Variants in BCL11A observed in about 807,000 individuals in gnomAD.
BCL11A encodes the protein BCL11 transcription factor A.
BCL11A carries 2 observed loss-of-function variants against 55.9 expected under a neutral mutation model. The ratio of observed to expected loss-of-function variants is 0.04; its 90% CI spans 0.01 to 0.11. The LOEUF is 0.11. Among genes scored for constraint, BCL11A ranks in the 10% least tolerant of loss-of-function variants. The pLI, the probability that BCL11A is intolerant of heterozygous loss-of-function variation, is 1.00. For missense variants in BCL11A, 817 were observed against 1,137.1 expected, an observed-to-expected ratio of 0.72 and a Z score of 4.05; for synonymous variants, 465 against 473.4, an observed-to-expected ratio of 0.98 and a Z score of 0.23.
At chr2:60,511,503 T>C (rs949486357) in intron 2 of BCL11A, among the ~76,000 whole-genome samples, 16 of 152,246 alleles carry the variant, frequency 1.1e-4, no homozygotes, top group African/African-American at 3.9e-4. Context: ...TGTTTCATAA[T>C]GCTAATATTT....
chr2:60,493,634 G>A (rs74644352), intron 2 of BCL11A, among the ~76,000 whole-genome samples: 2,560 of 152,236 alleles, frequency 0.017, 71 homozygotes, highest in African/African-American at 0.059. Context: ...GTGGTGTTCG[G>A]AGTCCTAAGA....
rs982236023 is a variant in BCL11A, at chr2:60,523,399, T to G, written c.385+22572A>C. On this transcript the variant is annotated intron_variant, in intron 2 of 3. Coordinates refer to ENST00000642384, the MANE Select transcript of BCL11A (RefSeq NM_022893.4). The stretch of plus-strand genomic sequence containing the variant: ...GGAGATAATTTGCTTAAGTCAGATT[T>G]TGATGAAAAGTGGTTTCTACATGGA... 3.9e-5 allele frequency among the ~76,000 whole-genome samples: 6 copies of G among 152,338 alleles called. 1 individual carries two copies. The highest frequency in any genetic ancestry group is 1.3e-4 in the Admixed American group (2 of 15,304).
intron 2 of BCL11A, among the ~76,000 whole-genome samples, chr2:60,499,061 C>T (rs1679120852): frequency 6.6e-6 from 1 of 152,206 alleles, no homozygotes; most frequent in Non-Finnish European, 1.5e-5. Context: ...AATGCTACAG[C>T]TACAGTCCAT....
At chr2:60,515,246 C>A (rs986104255) in intron 2 of BCL11A, among the ~76,000 whole-genome samples, 2 of 152,206 alleles carry the variant, frequency 1.3e-5, no homozygotes, top group Non-Finnish European at 2.9e-5. Flanking sequence ...TTTTCACTTT[C>A]TCCCCAGGGA....
intron 2 of BCL11A, among the ~76,000 whole-genome samples, chr2:60,505,154 A>C (rs541473307): frequency 6.6e-5 from 10 of 152,288 alleles, no homozygotes; most frequent in Admixed American, 4.6e-4. Flanking sequence ...TCAAAAAAAA[A>C]ATGTGATTTT....
chr2:60,552,048 C>T (rs892095108), intron 1 of BCL11A, among the ~76,000 whole-genome samples: 2 of 151,752 alleles, frequency 1.3e-5, no homozygotes, highest in Non-Finnish European at 2.9e-5. Context: ...CTCTCCGTGC[C>T]GTCGGCGCCC....
chr2:60,537,973 T>C (rs866642284), intron 2 of BCL11A: 1 of 152,226 alleles, frequency 6.6e-6, no homozygotes, highest in Non-Finnish European at 1.5e-5. Flanking sequence ...CTAACAACAG[T>C]GAGAATACAA....
At chr2:60,549,612 G>C (rs900799201) in intron 1 of BCL11A, among the ~76,000 whole-genome samples, 2 of 152,214 alleles carry the variant, frequency 1.3e-5, no homozygotes, top group Non-Finnish European at 2.9e-5. Context: ...CAGCGGCCGC[G>C]GGGCCTTGGG....
chr2:60,538,731 CTCTCTCTCTGTGTG>C (rs1453760230), intron 2 of BCL11A, among the ~76,000 whole-genome samples: 1 of 62,382 alleles, frequency 1.6e-5, no homozygotes, highest in Admixed American at 2.1e-4. Context: ...CTCTCTCTCT[CTCTCTCTCTGTGTG>C]TGTGTGTGTG....
At chr2:60,553,142 C>A in intron 1 of BCL11A, 74 bp downstream of exon 1, 3 of 1,476,410 alleles carry the variant, frequency 2.0e-6, no homozygotes, top group Non-Finnish European at 2.7e-6. Flanking sequence ...CCTCTCTCCC[C>A]CTCGCTTTTG....
Position 60,460,239 on chromosome 2 carries a change from C to G in BCL11A, c.*165G>C. 6.8e-6 allele frequency: 9 copies of G among 1,316,554 alleles called. No individual in the cohort carries two copies. The highest frequency in any genetic ancestry group is 3.6e-5 in the Admixed American group (1 of 28,158). 81.6% of individuals were successfully genotyped at this position (1,316,554 alleles called of 1,614,324 possible). On this transcript the variant is annotated 3_prime_UTR_variant, in exon 4 of 4. Coordinates refer to ENST00000642384, the MANE Select transcript of BCL11A (RefSeq NM_022893.4). ...AAAACAGGTGTGCTGGTGACAAGCA[C>G]TCTCATATTCTTAGCTTCGTTACTT...
Position 60,546,251 on chromosome 2 carries a change from C to A in BCL11A, c.105G>T (p.Pro35=), listed in dbSNP as rs774400493. 1 of 1,614,188 alleles carries A rather than the reference C, an allele frequency of 6.2e-7. No individual in the cohort carries two copies. Among genetic ancestry groups the A allele is most frequent in the Non-Finnish European group, 8.5e-7 (1 of 1,180,032 alleles). ...CATGATCCCCTTCTGGAGCTCCCAA[C>A]GGGCCGTGGTCTGGTTCATCATCTG... ...ILTDDEPDHG[P]LGAPEGDHDL... The change falls in exon 2 of 4, where the codon CCG becomes CCT. Residue 35 remains proline (P), a synonymous_variant. Coordinates refer to ENST00000642384, the MANE Select transcript of BCL11A (RefSeq NM_022893.4). The surrounding 1 kb of genome is among the most constrained non-coding windows in gnomAD (Gnocchi z 4.1).
chr2:60,471,322 G>A lies in BCL11A; in HGVS notation c.386-2489C>T, dbSNP rs540422456. On this transcript the variant is annotated intron_variant, in intron 2 of 3. Transcript: ENST00000642384. ...TAGAAAAAAAGCACACTGTCTTTGT[G>A]AGACTCACCCTTGCATTTATCTTCC... 2.6e-5 allele frequency among the ~76,000 whole-genome samples: 4 copies of A among 152,198 alleles called. 1 individual carries two copies. Among genetic ancestry groups the A allele is most frequent in the Non-Finnish European group, 5.9e-5 (4 of 68,040 alleles).
chr2:60,450,855 AGGCC>A (rs1366059891), downstream of BCL11A: 3 of 152,552 alleles, frequency 2.0e-5, no homozygotes, highest in African/African-American at 7.2e-5. Context: ...CCTTTACCAA[AGGCC>A]ATCCTGGGTC....
chr2:60,507,266 G>A (rs1299853114), intron 2 of BCL11A, among the ~76,000 whole-genome samples: 2 of 834 alleles, frequency 2.4e-3, no homozygotes, highest in African/African-American at 7.1e-3. Context: ...GGGGAGGGGA[G>A]GGGAGGGGAG....
intron 2 of BCL11A, among the ~76,000 whole-genome samples, chr2:60,489,363 C>T (rs544363699): frequency 1.2e-4 from 19 of 152,328 alleles, no homozygotes; most frequent in African/African-American, 4.6e-4. Context: ...TGCTACTCTG[C>T]TTCCTAACTA....
At chr2:60,455,668 AACCTAAT>A (rs1675906898), downstream of BCL11A, among the ~76,000 whole-genome samples, 1 of 152,200 alleles carries the variant, frequency 6.6e-6, no homozygotes, top group African/African-American at 2.4e-5. Flanking sequence ...CAGGATGCAA[AACCTAAT>A]TACGCTAAGA....
intron 1 of BCL11A, among the ~76,000 whole-genome samples, chr2:60,549,482 C>A (rs959639465): frequency 6.6e-6 from 1 of 152,224 alleles, no homozygotes; most frequent in African/African-American, 2.4e-5. Flanking sequence ...AGGCCCGGGG[C>A]AGGGGCCCCG....
intron 2 of BCL11A, among the ~76,000 whole-genome samples, chr2:60,502,867 G>A (rs1050668914): frequency 2.6e-5 from 4 of 152,166 alleles, no homozygotes; most frequent in African/African-American, 7.2e-5. Context: ...ATCAAGTCTC[G>A]AGTGGGTAAA....
Sources: gnomAD v4.1 joint callset for allele counts (sites outside exome capture counted in the v4.1 genomes callset) on GRCh38, gnomAD v4.1.1 for gene constraint, Gnocchi (gnomAD v3.1) non-coding constraint, MANE v1.5 for transcripts, NCBI Gene and HGNC (gene_info 2026-07-23, HGNC 2026-07-21) for gene names.